Variants in PCDHGA9 observed in about 807,000 individuals in gnomAD.
PCDHGA9 encodes protocadherin gamma-A9.
In PCDHGA9, 37 loss-of-function variants were observed where a neutral mutation model predicts 62.5. The observed-to-expected ratio is 0.59, with a 90% CI of 0.46 to 0.78. PCDHGA9 has a LOEUF of 0.78. Ranked by LOEUF, PCDHGA9 falls within the 30% of genes least tolerant of loss-of-function variation. PCDHGA9 has a pLI of 0.00. For missense variants in PCDHGA9, 1,138 were observed against 1,166.2 expected (o/e 0.98, Z 0.35); for synonymous variants, 459 against 484.6 (o/e 0.95, Z 0.69).
Position 141,405,083 on chromosome 5 carries a change from C to T in PCDHGA9, c.2131C>T (p.Leu711=). The T allele has an allele frequency of 6.2e-7, 1 of 1,613,942 alleles. No individual in the cohort carries two copies. Among genetic ancestry groups the T allele is most frequent in the Non-Finnish European group, 8.5e-7 (1 of 1,179,794 alleles). Residue 711 remains leucine, a synonymous_variant, in exon 1 of 4, where the codon CTG becomes TTG. Transcript: ENST00000573521. ...SCVFLTFVIT[L]LALRLRHWHS... Reference sequence around the variant, plus strand: ...TGTCTTCCTCACCTTCGTTATCACGCTGCTGGCCCTCAGGCTGAGGCACTG... The same window carrying T: ...TGTCTTCCTCACCTTCGTTATCACGTTGCTGGCCCTCAGGCTGAGGCACTG...
chr5:141,437,518 T>C (rs1482415074), intron 1 of PCDHGA9, among the ~76,000 whole-genome samples: 1 of 152,210 alleles, frequency 6.6e-6, no homozygotes, highest in African/African-American at 2.4e-5. Flanking sequence ...ATAAGGCTGA[T>C]GACAAATGAG....
intron 1 of PCDHGA9, chr5:141,420,969 A>G (rs2096536141): frequency 2.3e-6 from 1 of 443,064 alleles, no homozygotes; most frequent in Admixed American, 4.0e-5. Flanking sequence ...TTGCAATAAT[A>G]AGAATGGGCT....
chr5:141,510,420 G>T (rs1275392355), intron 3 of PCDHGA9, among the ~76,000 whole-genome samples: 3 of 152,126 alleles, frequency 2.0e-5, no homozygotes, highest in African/African-American at 7.2e-5. Flanking sequence ...TAAAGCCATG[G>T]TTTCATGGCT....
intron 1 of PCDHGA9, among the ~76,000 whole-genome samples, chr5:141,483,648 T>TTGTGTGTG (rs111458813): frequency 0.019 from 2,886 of 149,692 alleles, 51 homozygotes; most frequent in African/African-American, 0.054. Flanking sequence ...GGGTGTGTGT[T>TTGTGTGTG]TGTGTGTGTG....
At chr5:141,419,936 G>C in intron 1 of PCDHGA9, 1 of 1,614,074 alleles carries the variant, frequency 6.2e-7, no homozygotes, top group Non-Finnish European at 8.5e-7. Context: ...GTTTTACCTG[G>C]TGGTGGCCTT....
intron 1 of PCDHGA9, chr5:141,423,081 C>A: frequency 6.2e-7 from 1 of 1,614,084 alleles, no homozygotes; most frequent in South Asian, 1.1e-5. Context: ...CGGGACTCTT[C>A]GCGGTGGGGG....
chr5:141,491,293 C>T lies in PCDHGA9; in HGVS notation c.2425-3514C>T. On this transcript the variant is annotated intron_variant, in intron 1 of 3. Transcript: ENST00000573521. This position sits in a 1 kb window ranked among gnomAD's most constrained non-coding sequence, Gnocchi z 6.9. Reference sequence around the variant, plus strand: ...ATCCAGTGACTTCCTCATACACCCTCCTGAGCGTTCAGACCTTACCCTTTA... The same window carrying T: ...ATCCAGTGACTTCCTCATACACCCTTCTGAGCGTTCAGACCTTACCCTTTA... 6.2e-7 allele frequency: 1 copy of T among 1,614,166 alleles called. No homozygotes were observed. The highest frequency in any genetic ancestry group is 1.3e-5 in the African/African-American group (1 of 75,058).
rs752412467 is a variant in PCDHGA9 at position 141,405,390 on chromosome 5, TTTTC to T, written c.2424+26_2424+29del. On this transcript the variant is annotated intron_variant, in intron 1 of 3. Transcript: ENST00000573521. ...CCTTTGGTTCCGGTGAGTTCATTTTTTTTCTTTCTTTCTTTTCTTTTTTTGTTTT... is the reference window on the plus strand; with the variant it reads ...CCTTTGGTTCCGGTGAGTTCATTTTTTTTCTTTCTTTTCTTTTTTTGTTTT... 1.6e-5 allele frequency: 26 copies of T among 1,600,118 alleles called. No homozygotes were observed. The East Asian group carries it at 1.8e-4, about 11-fold the overall frequency.
At chr5:141,448,887 G>T (rs1160586933) in intron 1 of PCDHGA9, among the ~76,000 whole-genome samples, 1 of 152,172 alleles carries the variant, frequency 6.6e-6, no homozygotes, top group East Asian at 1.9e-4. Flanking sequence ...GGAGCTTGCA[G>T]TGAGCCGAGA....
At position 141,403,235 on chromosome 5, in the gene PCDHGA9, C is replaced by T. The variant is rs757212212; in HGVS notation, c.283C>T (p.Leu95Phe). The T allele has an allele frequency of 2.9e-5, 47 of 1,613,842 alleles. No individual in the cohort carries two copies. In the Admixed American group the frequency reaches 7.7e-4, roughly 26 times the overall value. ...CGCGGGTAGGATAGACCGGGAGGAGCTCTGTGCTCAGAGCCCGCGGTGTCT... is the reference window on the plus strand; with the variant it reads ...CGCGGGTAGGATAGACCGGGAGGAGTTCTGTGCTCAGAGCCCGCGGTGTCT... ...VTAGRIDREE[L>F]CAQSPRCLVN... The change falls in exon 1 of 4, where the codon CTC becomes TTC. Residue 95 changes from leucine (L) to phenylalanine (F), a missense_variant. Physicochemically the swap from Leu to Phe is conservative, Grantham distance 22. Transcript: ENST00000573521.
intron 1 of PCDHGA9, chr5:141,410,752 G>GT: frequency 4.4e-6 from 5 of 1,130,822 alleles, no homozygotes; most frequent in Non-Finnish European, 5.8e-6. Context: ...TTTTCTCAAT[G>GT]TTTTTTCAAT....
chr5:141,505,528 C>T (rs746609783), intron 3 of PCDHGA9, 47 bp downstream of exon 3: 4 of 1,612,320 alleles, frequency 2.5e-6, no homozygotes, highest in Non-Finnish European at 3.4e-6. Context: ...ACCTGGGGTT[C>T]TGGGGTGCAT....
At chr5:141,451,352 A>G (rs2098714151) in intron 1 of PCDHGA9, among the ~76,000 whole-genome samples, 1 of 152,232 alleles carries the variant, frequency 6.6e-6, no homozygotes, top group Non-Finnish European at 1.5e-5. Flanking sequence ...AAGGGTCAAC[A>G]GAGGATGGAT....
At chr5:141,414,305 A>G (rs2095732833) in intron 1 of PCDHGA9, 2 of 1,613,604 alleles carry the variant, frequency 1.2e-6, no homozygotes, top group African/African-American at 2.7e-5. Flanking sequence ...AATGTGCATG[A>G]TTTAGACTCT....
intron 1 of PCDHGA9, chr5:141,423,222 G>A (rs760308436): frequency 1.2e-6 from 2 of 1,613,688 alleles, no homozygotes; most frequent in Non-Finnish European, 1.7e-6. Context: ...CCGTGGCTGT[G>A]GCCGACAGCA....
At chr5:141,452,370 G>A (rs2098739834) in intron 1 of PCDHGA9, among the ~76,000 whole-genome samples, 1 of 152,136 alleles carries the variant, frequency 6.6e-6, no homozygotes, top group Non-Finnish European at 1.5e-5. Flanking sequence ...CTTCATTTTA[G>A]TAGGGAATAG....
intron 1 of PCDHGA9, among the ~76,000 whole-genome samples, chr5:141,465,116 C>A (rs2099097321): frequency 6.6e-6 from 1 of 150,972 alleles, no homozygotes; most frequent in Non-Finnish European, 1.5e-5. Context: ...AGTGTTTTAG[C>A]CTAAATTTGT....
chr5:141,421,222 C>G, intron 1 of PCDHGA9: 2 of 1,576,946 alleles, frequency 1.3e-6, no homozygotes, highest in Non-Finnish European at 1.7e-6. Flanking sequence ...CGGCTTAGAG[C>G]CTGCCATGGC....
chr5:141,422,470 T>C, intron 1 of PCDHGA9: 1 of 1,613,440 alleles, frequency 6.2e-7, no homozygotes, highest in Non-Finnish European at 8.5e-7. Flanking sequence ...GGACAGGGAG[T>C]TGGTCCAGAG....
Sources: gnomAD v4.1 joint callset for allele counts (sites outside exome capture counted in the v4.1 genomes callset) on GRCh38, gnomAD v4.1.1 for gene constraint, Gnocchi (gnomAD v3.1) non-coding constraint, MANE v1.5 for transcripts, NCBI Gene and HGNC (gene_info 2026-07-23, HGNC 2026-07-21) for gene names.